The following INPP4A variants were observed in gnomAD, a reference collection of about 807,000 sequenced individuals.
INPP4A encodes inositol polyphosphate-4-phosphatase type I A, also known as inositol polyphosphate-4-phosphatase, type I, 107kD.
Under a neutral mutation model 119.8 loss-of-function variants are expected in INPP4A, and 33 were observed. That is an observed-to-expected ratio of 0.28 (90% CI 0.21 to 0.37). The LOEUF (loss-of-function observed/expected upper bound fraction) is 0.37, where lower values mean the gene tolerates loss of function less well. Ranked by LOEUF, INPP4A falls within the 10% of genes least tolerant of loss-of-function variation. The pLI is 1.00. For synonymous variants in INPP4A, 496 were observed against 500.7 expected (o/e 0.99, Z 0.12); for missense variants, 956 against 1,289.9 (o/e 0.74, Z 3.97).
rs994665658 is a variant in INPP4A, at chr2:98,456,786, A to G, written c.-166+11701A>G. On this transcript the variant is annotated intron_variant, in intron 1 of 24. Coordinates refer to ENST00000409851, the MANE Select transcript of INPP4A (RefSeq NM_001134225.2). ...CCAAAACACGTGTTTTGTGACTATT[A>G]TTGTAGGTGCCTTTGAACTGTATGG... Among the ~76,000 whole-genome samples, 7 of 152,340 alleles carry G rather than the reference A, an allele frequency of 4.6e-5. No homozygotes were observed. The East Asian group carries it at 1.4e-3, about 29-fold the overall frequency.
chr2:98,451,984 G>A (rs1027941095), intron 1 of INPP4A, among the ~76,000 whole-genome samples: 4 of 152,180 alleles, frequency 2.6e-5, no homozygotes, highest in Non-Finnish European at 4.4e-5. Context: ...CAGCATGTCA[G>A]CAGTTTCATC....
intron 24 of INPP4A, among the ~76,000 whole-genome samples, chr2:98,579,861 A>G (rs1699022486): frequency 6.6e-6 from 1 of 152,284 alleles, no homozygotes. Context: ...TTTTTAAAGA[A>G]GTTATAAAAA....
chr2:98,501,643 C>T (rs1683144786), intron 1 of INPP4A, among the ~76,000 whole-genome samples: 1 of 152,134 alleles, frequency 6.6e-6, no homozygotes, highest in Non-Finnish European at 1.5e-5. Context: ...ACAGAATAAA[C>T]ACCATTGTTA....
chr2:98,481,023 A>T (rs1678324597), intron 1 of INPP4A, among the ~76,000 whole-genome samples: 1 of 152,196 alleles, frequency 6.6e-6, no homozygotes, highest in Non-Finnish European at 1.5e-5. Context: ...CTGAGGCCCA[A>T]AGAGAGCAAA....
intron 1 of INPP4A, among the ~76,000 whole-genome samples, chr2:98,503,158 T>C (rs2105408563): frequency 6.6e-6 from 1 of 152,260 alleles, no homozygotes; most frequent in African/African-American, 2.4e-5. Flanking sequence ...GGGATGCTCA[T>C]TGCAATTCTT....
intron 1 of INPP4A, among the ~76,000 whole-genome samples, chr2:98,517,547 G>T (rs1686386069): frequency 1.3e-5 from 2 of 152,168 alleles, no homozygotes; most frequent in African/African-American, 4.8e-5. Flanking sequence ...CTATTCCAGT[G>T]CTTGTGCAGA....
chr2:98,514,928 A>G (rs1408131107), intron 1 of INPP4A, among the ~76,000 whole-genome samples: 1 of 151,924 alleles, frequency 6.6e-6, no homozygotes, highest in African/African-American at 2.4e-5. Context: ...AAGCTGGAAA[A>G]AAAAAAAAGT....
At chr2:98,446,297 A>T (rs1694182044) in intron 1 of INPP4A, among the ~76,000 whole-genome samples, 1 of 152,134 alleles carries the variant, frequency 6.6e-6, no homozygotes, top group Non-Finnish European at 1.5e-5. Flanking sequence ...CTTTAACGGA[A>T]ATTTTGTTTT....
At chr2:98,576,239 G>C (rs763932539) in intron 23 of INPP4A, among the ~76,000 whole-genome samples, 16 of 152,170 alleles carry the variant, frequency 1.1e-4, no homozygotes, top group Non-Finnish European at 1.6e-4. Context: ...GTGTGCCTAG[G>C]ATTGTATCTA....
chr2:98,536,495 C>G (rs1690293350), intron 7 of INPP4A, among the ~76,000 whole-genome samples: 1 of 152,178 alleles, frequency 6.6e-6, no homozygotes, highest in Non-Finnish European at 1.5e-5. Flanking sequence ...TATTTAGCCC[C>G]TCCCCAGTGG....
chr2:98,496,539 A>G (rs900269219), intron 1 of INPP4A, among the ~76,000 whole-genome samples: 3 of 152,196 alleles, frequency 2.0e-5, no homozygotes, highest in Admixed American at 1.3e-4. Context: ...ACATTAAGCT[A>G]AAAAGCTTCT....
At chr2:98,474,281 G>A (rs1415176032) in intron 1 of INPP4A, among the ~76,000 whole-genome samples, 1 of 152,202 alleles carries the variant, frequency 6.6e-6, no homozygotes, top group Non-Finnish European at 1.5e-5. Flanking sequence ...AGGGCCACCC[G>A]CAGCCTTCCC....
rs748382061 is a variant in INPP4A at position 98,537,970 on chromosome 2, G to A, written c.575G>A (p.Gly192Glu). 6 of 1,600,002 alleles carry A rather than the reference G, an allele frequency of 3.8e-6. No homozygotes were observed. The Admixed American group carries it at 1.0e-4, about 27-fold the overall frequency. ...PVTRSVDTVN[G>E]RMVLPVDESL... The stretch of plus-strand genomic sequence containing the variant: ...ACCCGGTCTGTGGACACTGTCAATG[G>A]GAGGGTGAGTTACACCACTTTCCTC... Residue 192 changes from glycine to glutamate, a missense_variant, in exon 8 of 25, where the codon GGG becomes GAG. By Grantham distance (98) the Gly-to-Glu change is moderately conservative. Around this residue, in one of 2 missense-constraint regions of INPP4A, gnomAD observed 652 missense variants for 797.9 expected, o/e 0.82. Transcript: ENST00000409851.
At chr2:98,548,765 C>T (rs1575032511) in intron 13 of INPP4A, among the ~76,000 whole-genome samples, 2 of 152,156 alleles carry the variant, frequency 1.3e-5, no homozygotes, top group Admixed American at 1.3e-4. Flanking sequence ...GGCTTGAGCA[C>T]AGGGAGTGAC....
In INPP4A at chr2:98,555,805, A is replaced by G. The variant is rs868591658; in HGVS notation, c.1819A>G (p.Thr607Ala). Residue 607 changes from threonine to alanine, a missense_variant, in exon 16 of 25, where the codon ACA (threonine) becomes GCA (alanine). By Grantham distance (58) the Thr-to-Ala change is moderately conservative. Around this residue, in one of 2 missense-constraint regions of INPP4A, gnomAD observed 652 missense variants for 797.9 expected, o/e 0.82. Coordinates refer to ENST00000409851, the MANE Select transcript of INPP4A (RefSeq NM_001134225.2). ...CACTGCATGCCATCCTCATCTGACC[A>G]CACGTGCGTATGCATCCATGCTTCC... The part of the protein sequence containing the change: ...PSTACHPHLT[T>A]HCSPPPEESS... 7.1e-6 allele frequency: 11 copies of G among 1,554,524 alleles called. 1 individual carries two copies. In the Middle Eastern group the frequency reaches 8.4e-4, roughly 118 times the overall value.
chr2:98,531,269 T>C (rs1352712049), intron 4 of INPP4A, among the ~76,000 whole-genome samples: 2 of 152,084 alleles, frequency 1.3e-5, no homozygotes, highest in Non-Finnish European at 2.9e-5. Flanking sequence ...TTATTGAACA[T>C]TTTCAGAGAA....
At chr2:98,587,420 T>C in intron 24 of INPP4A, 56 bp from the exon 25 acceptor site, 1 of 1,488,670 alleles carries the variant, frequency 6.7e-7, no homozygotes, top group Non-Finnish European at 9.0e-7. Flanking sequence ...TTAGTTTAAG[T>C]CTTTTCTTTT....
intron 17 of INPP4A, 136 bp downstream of exon 17, chr2:98,559,631 G>A (rs72821960): frequency 0.017 from 16,182 of 927,678 alleles, 212 homozygotes; most frequent in Non-Finnish European, 0.02. Flanking sequence ...TTCGTTGTGA[G>A]GCATAAAACA....
chr2:98,564,660 C>T lies in INPP4A; in HGVS notation c.2049C>T (p.Gly683=), dbSNP rs1384222290. The T allele has an allele frequency of 6.2e-7, 1 of 1,613,420 alleles. No homozygotes were observed. Among genetic ancestry groups the T allele is most frequent in the Non-Finnish European group, 8.5e-7 (1 of 1,179,758 alleles). The change falls in exon 19 of 25, where the codon GGC becomes GGT. Residue 683 remains glycine (G), a synonymous_variant. Coordinates refer to ENST00000409851, the MANE Select transcript of INPP4A (RefSeq NM_001134225.2). The part of the protein sequence containing the change: ...FCQTLTALIC[G]FIIKLRNCLH... ...CACAGCTGACCGCCCTCATCTGCGG[C>T]TTCATCATTAAGCTGAGGAACTGCC...
Sources: allele counts gnomAD v4.1 joint callset (sites outside exome capture counted in the v4.1 genomes callset), GRCh38; gene constraint gnomAD v4.1.1; regional missense constraint gnomAD v4.1.1; transcripts MANE v1.5; gene names NCBI Gene and HGNC (gene_info 2026-07-23, HGNC 2026-07-21).